The following DLGAP2 variants were observed in gnomAD, a reference collection of about 807,000 sequenced individuals.
DLGAP2 encodes disks large-associated protein 2.
In DLGAP2, 26 loss-of-function variants were observed where a neutral mutation model predicts 100.3. That is an observed-to-expected ratio of 0.26 (90% CI 0.19 to 0.36). The LOEUF (loss-of-function observed/expected upper bound fraction) is 0.36. Among genes scored for constraint, DLGAP2 ranks in the 10% least tolerant of loss-of-function variants. The probability of loss-of-function intolerance (pLI) is 1.00; values close to 1 mark genes in which losing one functional copy is unlikely to be tolerated. For missense variants in DLGAP2, 1,858 were observed against 1,453.2 expected (o/e 1.28, Z -4.53); for synonymous variants, 886 against 630.1 (o/e 1.41, Z -6.08).
At chr8:827,725 A>G (rs1037729852) in intron 1 of DLGAP2, among the ~76,000 whole-genome samples, 2 of 152,250 alleles carry the variant, frequency 1.3e-5, no homozygotes, top group African/African-American at 4.8e-5. Flanking sequence ...TTGCAAAAGA[A>G]AATTCTCTTT....
chr8:1,113,652 C>G (rs542002605), intron 2 of DLGAP2, among the ~76,000 whole-genome samples: 1 of 152,094 alleles, frequency 6.6e-6, no homozygotes, highest in Non-Finnish European at 1.5e-5. Flanking sequence ...AACAGGGGTA[C>G]TTTGACTTCC....
chr8:1,126,791 C>G (rs558556473), intron 2 of DLGAP2, among the ~76,000 whole-genome samples: 35 of 152,152 alleles, frequency 2.3e-4, no homozygotes, highest in African/African-American at 7.7e-4. Context: ...GGAGACCAGA[C>G]GTGGGTCTGG....
At chr8:788,010 A>G (rs1345904462) in intron 1 of DLGAP2, among the ~76,000 whole-genome samples, 3 of 118,894 alleles carry the variant, frequency 2.5e-5, no homozygotes, top group Non-Finnish European at 5.3e-5. Flanking sequence ...AGGCAGTAGG[A>G]CAGCAGCATG....
At chr8:1,350,398 C>T (rs112375078) in intron 3 of DLGAP2, among the ~76,000 whole-genome samples, 2 of 55,418 alleles carry the variant, frequency 3.6e-5, no homozygotes, top group Admixed American at 2.2e-4. Context: ...AAAGGCCGCG[C>T]GGGTCCTGAC....
chr8:1,361,971 C>T (rs1393132238), intron 3 of DLGAP2, among the ~76,000 whole-genome samples: 1 of 152,166 alleles, frequency 6.6e-6, no homozygotes, highest in African/African-American at 2.4e-5. Context: ...CTGCAGGACA[C>T]CTCTCTGGCA....
intron 3 of DLGAP2, among the ~76,000 whole-genome samples, chr8:1,461,370 G>C (rs1303292633): frequency 1.7e-5 from 1 of 57,590 alleles, no homozygotes; most frequent in Non-Finnish European, 3.3e-5. Context: ...TGCAGTCACT[G>C]ATTTGGTGGC....
intron 1 of DLGAP2, among the ~76,000 whole-genome samples, chr8:883,526 A>G (rs1488446834): frequency 3.9e-5 from 6 of 152,136 alleles, no homozygotes; most frequent in African/African-American, 1.4e-4. Flanking sequence ...TTAAAAAAAA[A>G]AACCCAGGAT....
intron 3 of DLGAP2, among the ~76,000 whole-genome samples, chr8:1,332,550 C>T (rs149956962): frequency 6.9e-4 from 105 of 152,300 alleles, no homozygotes; most frequent in African/African-American, 2.4e-3. Flanking sequence ...TACAGATGCA[C>T]ACACACTTGC....
At chr8:1,339,031 G>C (rs1456094022) in intron 3 of DLGAP2, among the ~76,000 whole-genome samples, 1 of 152,116 alleles carries the variant, frequency 6.6e-6, no homozygotes, top group Non-Finnish European at 1.5e-5. Flanking sequence ...GGAAGTGTCA[G>C]GACCTGGCAG....
chr8:1,452,462 T>A (rs1798189878), intron 3 of DLGAP2, among the ~76,000 whole-genome samples: 1 of 152,178 alleles, frequency 6.6e-6, no homozygotes, highest in South Asian at 2.1e-4. Context: ...TCAGCACCAG[T>A]GGACATGGAA....
chr8:772,750 A>G (rs569970982), intron 1 of DLGAP2, among the ~76,000 whole-genome samples: 74 of 152,352 alleles, frequency 4.9e-4, no homozygotes, highest in Non-Finnish European at 9.4e-4. Flanking sequence ...ATGTGGGGTC[A>G]TGGCGCCCTG....
At chr8:1,450,698 C>G (rs944771973) in intron 3 of DLGAP2, among the ~76,000 whole-genome samples, 1 of 152,070 alleles carries the variant, frequency 6.6e-6, no homozygotes, top group African/African-American at 2.4e-5. Flanking sequence ...CCTATGTCCC[C>G]AGGGCCTTGG....
intron 8 of DLGAP2, among the ~76,000 whole-genome samples, chr8:1,643,021 C>G (rs369642878): frequency 5.7e-4 from 1 of 1,742 alleles, no homozygotes. Flanking sequence ...GTGTCACCCT[C>G]GAACCCGCCG....
intron 2 of DLGAP2, among the ~76,000 whole-genome samples, chr8:1,193,242 C>T (rs1020346922): frequency 7.2e-5 from 11 of 152,148 alleles, no homozygotes; most frequent in African/African-American, 2.7e-4. Context: ...CTTGAGGAAT[C>T]GCCACACCGT....
chr8:1,266,659 G>A (rs555369889), intron 3 of DLGAP2, among the ~76,000 whole-genome samples: 11 of 152,242 alleles, frequency 7.2e-5, no homozygotes, highest in Middle Eastern at 3.4e-3. Context: ...ACTGACGTAC[G>A]CCTCCGTGGG....
chr8:1,387,040 A>G (rs1796236828), intron 3 of DLGAP2, among the ~76,000 whole-genome samples: 1 of 152,220 alleles, frequency 6.6e-6, no homozygotes, highest in Admixed American at 6.5e-5. Flanking sequence ...TCATATTGGT[A>G]AGCCAGAAAA....
intron 1 of DLGAP2, among the ~76,000 whole-genome samples, chr8:816,290 AT>A (rs1796476881): frequency 7.9e-6 from 1 of 126,382 alleles, no homozygotes; most frequent in Non-Finnish European, 1.7e-5. Flanking sequence ...TTTTTTTTTC[AT>A]TGCATTGTTG....
At chr8:1,213,248 C>A (rs865792322) in intron 2 of DLGAP2, among the ~76,000 whole-genome samples, 1 of 152,128 alleles carries the variant, frequency 6.6e-6, no homozygotes, top group Non-Finnish European at 1.5e-5. Flanking sequence ...ATCTGCAAGT[C>A]AACAACAGGC....
chr8:830,670 T>C (rs950511466), intron 1 of DLGAP2, among the ~76,000 whole-genome samples: 3 of 152,170 alleles, frequency 2.0e-5, no homozygotes, highest in African/African-American at 7.2e-5. Flanking sequence ...CATTGCATGG[T>C]CTATTTTCTC....
Sources: allele counts gnomAD v4.1 joint callset (sites outside exome capture counted in the v4.1 genomes callset), GRCh38; gene constraint gnomAD v4.1.1; transcripts MANE v1.5; gene names NCBI Gene and HGNC (gene_info 2026-07-23, HGNC 2026-07-21).